WWOX: variants seen among roughly 807,000 people sequenced by gnomAD.
WWOX encodes the protein WW domain containing oxidoreductase, also known as WW domain-containing oxidoreductase.
In WWOX, 69 loss-of-function variants were observed where a neutral mutation model predicts 46.2. The observed-to-expected ratio is 1.49, with a 90% CI of 1.23 to 1.82. The LOEUF is 1.82. Among genes scored for constraint, WWOX ranks in the 40% most tolerant of loss-of-function variants. WWOX has a pLI of 0.00. For missense variants in WWOX, 919 were observed against 542.6 expected (o/e 1.69, Z -6.89); for synonymous variants, 359 against 202.6 (o/e 1.77, Z -6.56).
rs375203232 is a variant in WWOX, at chr16:78,859,000, TTAAAAAAAAAAA to T, written c.1057-352607_1057-352596del. ...GGCCAATATCTACTAGTTTTGAAAT[TTAAAAAAAAAAA>T]AAAAAAAAAAAAAAAATATATATAT... On this transcript the variant is annotated intron_variant, in intron 8 of 8. Transcript: ENST00000566780. Among the ~76,000 whole-genome samples, 225 of 79,734 alleles carry T rather than the reference TTAAAAAAAAAAA, an allele frequency of 2.8e-3. 5 individuals carry two copies. Among genetic ancestry groups the T allele is most frequent in the Middle Eastern group, 6.9e-3 (1 of 144 alleles). 52.3% of individuals were successfully genotyped at this position (79,734 alleles called of 152,430 possible).
At chr16:78,691,000 C>A (rs531129903) in intron 8 of WWOX, among the ~76,000 whole-genome samples, 18 of 152,204 alleles carry the variant, frequency 1.2e-4, no homozygotes, top group African/African-American at 4.1e-4. Context: ...TTCGTAGACC[C>A]CCTTTGATAA....
chr16:78,152,177 G>C (rs1045151961), intron 4 of WWOX, among the ~76,000 whole-genome samples: 3 of 147,366 alleles, frequency 2.0e-5, no homozygotes, highest in South Asian at 2.2e-4. Flanking sequence ...GCGACAGAGC[G>C]AGACTCCGTC....
intron 8 of WWOX, among the ~76,000 whole-genome samples, chr16:78,779,784 C>A (rs1567554454): frequency 6.6e-6 from 1 of 152,084 alleles, no homozygotes; most frequent in Non-Finnish European, 1.5e-5. Context: ...GAGGTGGGAT[C>A]TAGACTGAGG....
intron 5 of WWOX, among the ~76,000 whole-genome samples, chr16:78,225,807 G>A (rs2037034749): frequency 6.6e-6 from 1 of 152,026 alleles, no homozygotes; most frequent in Admixed American, 6.6e-5. Flanking sequence ...AAAAAACATG[G>A]CATCCCATGT....
At chr16:78,554,572 T>C (rs2044245281) in intron 8 of WWOX, among the ~76,000 whole-genome samples, 1 of 152,108 alleles carries the variant, frequency 6.6e-6, no homozygotes, top group African/African-American at 2.4e-5. Flanking sequence ...ATGATACATA[T>C]CCATGCATAT....
chr16:78,385,482 A>G (rs148235716), intron 5 of WWOX, among the ~76,000 whole-genome samples: 89 of 152,344 alleles, frequency 5.8e-4, no homozygotes, highest in Non-Finnish European at 1.2e-3. Flanking sequence ...AGATAAGGAA[A>G]CTGAGGCTCA....
intron 8 of WWOX, among the ~76,000 whole-genome samples, chr16:78,572,524 GC>G (rs1337344345): frequency 6.8e-6 from 1 of 147,602 alleles, no homozygotes; most frequent in African/African-American, 2.5e-5. Flanking sequence ...GACCTCTTGA[GC>G]CGGGAAGGTC....
At chr16:78,387,452 T>A (rs539611629) in intron 6 of WWOX, among the ~76,000 whole-genome samples, 58 of 152,322 alleles carry the variant, frequency 3.8e-4, no homozygotes, top group African/African-American at 1.3e-3. Context: ...TTATTTATTT[T>A]TTTTCATCCT....
intron 8 of WWOX, among the ~76,000 whole-genome samples, chr16:79,156,452 C>G (rs921536568): frequency 1.3e-5 from 2 of 152,294 alleles, no homozygotes; most frequent in Middle Eastern, 6.8e-3. Flanking sequence ...TGAGCCACCG[C>G]TCCCAGCAAC....
intron 8 of WWOX, among the ~76,000 whole-genome samples, chr16:79,210,299 C>G (rs1047189827): frequency 2.6e-5 from 4 of 152,176 alleles, no homozygotes; most frequent in African/African-American, 7.2e-5. Flanking sequence ...GTCGTAACAC[C>G]TTCCTTGGGA....
chr16:79,197,485 G>A (rs1292487983), intron 8 of WWOX, among the ~76,000 whole-genome samples: 3 of 151,644 alleles, frequency 2.0e-5, no homozygotes, highest in African/African-American at 2.4e-5. Flanking sequence ...TCCAGTGAGC[G>A]AGTTCTTGAA....
chr16:78,340,164 G>GTT (rs2080985242), intron 5 of WWOX, among the ~76,000 whole-genome samples: 1 of 110,158 alleles, frequency 9.1e-6, no homozygotes, highest in African/African-American at 3.1e-5. Flanking sequence ...TCTCAAAATT[G>GTT]TTTTCATTTC....
intron 5 of WWOX, among the ~76,000 whole-genome samples, chr16:78,243,406 T>A (rs1475711009): frequency 6.6e-6 from 1 of 152,122 alleles, no homozygotes; most frequent in African/African-American, 2.4e-5. Flanking sequence ...TGCAGGGCTG[T>A]TAAATAGGTA....
intron 8 of WWOX, among the ~76,000 whole-genome samples, chr16:78,768,225 T>G (rs184461760): frequency 1.7e-3 from 226 of 136,014 alleles, no homozygotes; most frequent in Non-Finnish European, 2.2e-3. Flanking sequence ...TAGGTCACAG[T>G]AGAAAAAAGT....
chr16:78,529,498 G>C (rs1331338233), intron 8 of WWOX, among the ~76,000 whole-genome samples: 1 of 151,902 alleles, frequency 6.6e-6, no homozygotes, highest in Non-Finnish European at 1.5e-5. Context: ...ATGGAGTCTT[G>C]CACTGTGTCC....
At chr16:78,597,351 C>T (rs943383525) in intron 8 of WWOX, among the ~76,000 whole-genome samples, 5 of 152,162 alleles carry the variant, frequency 3.3e-5, no homozygotes, top group Admixed American at 1.3e-4. Context: ...ATATGCACTG[C>T]TGATTCATTC....
intron 8 of WWOX, among the ~76,000 whole-genome samples, chr16:79,063,409 TG>T (rs1274069520): frequency 6.6e-6 from 1 of 152,198 alleles, no homozygotes; most frequent in Non-Finnish European, 1.5e-5. Flanking sequence ...GTTGCCAGTC[TG>T]GATATGGAAT....
intron 8 of WWOX, among the ~76,000 whole-genome samples, chr16:78,777,605 G>C (rs535517851): frequency 1.3e-5 from 2 of 152,196 alleles, no homozygotes; most frequent in East Asian, 1.9e-4. Flanking sequence ...GACATGTACA[G>C]GGTGCTGAGA....
intron 5 of WWOX, among the ~76,000 whole-genome samples, chr16:78,260,845 G>A (rs1323767578): frequency 6.8e-6 from 1 of 147,770 alleles, no homozygotes; most frequent in Non-Finnish European, 1.5e-5. Flanking sequence ...GCTGAGGCAG[G>A]AGAATCACTC....
Sources: allele counts gnomAD v4.1 joint callset (sites outside exome capture counted in the v4.1 genomes callset), GRCh38; gene constraint gnomAD v4.1.1; transcripts MANE v1.5; gene names NCBI Gene and HGNC (gene_info 2026-07-23, HGNC 2026-07-21).